CACNA1B: variants seen among roughly 807,000 people sequenced by gnomAD.
The protein encoded by CACNA1B is calcium voltage-gated channel subunit alpha1 B, also known as voltage-dependent N-type calcium channel subunit alpha-1B.
In CACNA1B, 70 loss-of-function variants were observed where a neutral mutation model predicts 247.2. The ratio of observed to expected loss-of-function variants is 0.28; its 90% CI spans 0.23 to 0.35. CACNA1B has a LOEUF of 0.35. CACNA1B is among the 10% of genes least tolerant of loss of function. CACNA1B has a pLI of 1.00. For synonymous variants in CACNA1B, 1,231 were observed against 1,294.4 expected (o/e 0.95, Z 1.05); for missense variants, 2,367 against 3,197.4 (o/e 0.74, Z 6.26).
In CACNA1B at chr9:138,120,371, C is replaced by T. The variant is rs199525864; in HGVS notation, c.6237C>T (p.Gly2079=). Reference sequence around the variant, plus strand: ...CCAGCCTGTCTGCCGATATGGATGGCGGTGCGTGCGGAGGGGCCCGGGGAG... The same window carrying T: ...CCAGCCTGTCTGCCGATATGGATGGTGGTGCGTGCGGAGGGGCCCGGGGAG... ...KGPSLSADMD[G]APSSAVGPGL... The change falls in exon 45 of 47, where the codon GGC becomes GGT. Residue 2079 remains glycine (G), a splice_region_variant and synonymous_variant. Coordinates refer to ENST00000371372, the MANE Select transcript of CACNA1B (RefSeq NM_000718.4). The T allele has an allele frequency of 2.4e-4, 371 of 1,548,040 alleles. No homozygotes were observed. Among genetic ancestry groups the T allele is most frequent in the Non-Finnish European group, 2.7e-4 (317 of 1,153,372 alleles).
rs200515901 is a variant in CACNA1B, at chr9:138,122,087, C to G, written c.*88C>G. ...TCATCCACACGGGGCAGCCGGCCCT[C>G]GGGGGAGGCCTTGCCCACCTTGGTG... is the stretch of plus-strand genomic sequence containing the variant. On this transcript the variant is annotated 3_prime_UTR_variant, in exon 47 of 47. Coordinates refer to ENST00000371372, the MANE Select transcript of CACNA1B (RefSeq NM_000718.4). 2.6e-3 allele frequency: 3,215 copies of G among 1,256,136 alleles called. 7 individuals carry two copies. The highest frequency in any genetic ancestry group is 5.8e-3 in the Middle Eastern group (22 of 3,806). 77.8% of individuals were successfully genotyped at this position (1,256,136 alleles called of 1,614,324 possible).
intron 10 of CACNA1B, among the ~76,000 whole-genome samples, chr9:137,969,935 A>G (rs546020750): frequency 6.6e-6 from 1 of 152,304 alleles, no homozygotes; most frequent in African/African-American, 2.4e-5. Flanking sequence ...GGCTGGCCAC[A>G]TGCCACTGAG....
At chr9:138,120,039 A>T in intron 44 of CACNA1B, 126 bp from the exon 45 acceptor site, 1 of 801,968 alleles carries the variant, frequency 1.2e-6, no homozygotes, top group Non-Finnish European at 2.0e-6. Context: ...GGTCCTTCTG[A>T]CTGTGAGACC....
rs1958361271 is a variant in CACNA1B at position 137,986,334 on chromosome 9, C to G, written c.1770-79C>G. 4 of 1,505,722 alleles carry G rather than the reference C, an allele frequency of 2.7e-6. No homozygotes were observed. Among genetic ancestry groups the G allele is most frequent in the Non-Finnish European group, 3.6e-6 (4 of 1,099,522 alleles). The allele number at this position is 1,505,722 out of a possible 1,614,324, so 93.3% of individuals were successfully genotyped here. Reference sequence around the variant, plus strand: ...CTCAGGGTTTAGAAAGTCAGTGGAGCCTTAAGTGTGGCTGCAGAGAGCCAT... The same window carrying G: ...CTCAGGGTTTAGAAAGTCAGTGGAGGCTTAAGTGTGGCTGCAGAGAGCCAT... On this transcript the variant is annotated intron_variant, in intron 13 of 46. Coordinates refer to ENST00000371372, the MANE Select transcript of CACNA1B (RefSeq NM_000718.4). The surrounding 1 kb of genome is among the most constrained non-coding windows in gnomAD (Gnocchi z 6.0).
chr9:138,057,952 G>A lies in CACNA1B; in HGVS notation c.4106+83G>A. 6.4e-7 allele frequency: 1 copy of A among 1,572,306 alleles called. No individual in the cohort carries two copies. The highest frequency in any genetic ancestry group is 2.3e-5 in the East Asian group (1 of 44,184). ...CTTCCTCCCTCTATCCCTGGGCTCAGGCATGGAAGCAGACCCACCCTTGTG... is the reference window on the plus strand; with the variant it reads ...CTTCCTCCCTCTATCCCTGGGCTCAAGCATGGAAGCAGACCCACCCTTGTG... On this transcript the variant is annotated intron_variant, in intron 27 of 46. Coordinates refer to ENST00000371372, the MANE Select transcript of CACNA1B (RefSeq NM_000718.4). This position sits in a 1 kb window ranked among gnomAD's most constrained non-coding sequence, Gnocchi z 4.0.
chr9:137,900,214 C>G (rs1317558714), intron 3 of CACNA1B, among the ~76,000 whole-genome samples: 2 of 152,062 alleles, frequency 1.3e-5, no homozygotes, highest in African/African-American at 4.8e-5. Flanking sequence ...GTGTGAGGTG[C>G]CCCCCTGGTC....
At chr9:138,045,987 C>T (rs985911604) in intron 21 of CACNA1B, among the ~76,000 whole-genome samples, 2 of 152,142 alleles carry the variant, frequency 1.3e-5, no homozygotes, top group Admixed American at 1.3e-4. Context: ...GCACAGCCCT[C>T]GTGATGGGGG....
At chr9:138,008,879 G>A (rs747579556) in intron 16 of CACNA1B, among the ~76,000 whole-genome samples, 17 of 152,244 alleles carry the variant, frequency 1.1e-4, no homozygotes, top group South Asian at 4.1e-4. Context: ...GCTGCCTGCC[G>A]TCCCATAGAG....
At chr9:138,108,948 G>A (rs186420214) in intron 39 of CACNA1B, among the ~76,000 whole-genome samples, 138 of 152,272 alleles carry the variant, frequency 9.1e-4, no homozygotes, top group African/African-American at 2.8e-3. Context: ...CACTGCACCC[G>A]GCCAAACTGA....
chr9:137,995,165 G>A (rs185048121), intron 15 of CACNA1B, among the ~76,000 whole-genome samples: 8 of 148,118 alleles, frequency 5.4e-5, no homozygotes, highest in African/African-American at 1.3e-4. Context: ...CCAAGATCGC[G>A]CCATCCATTG....
chr9:138,000,154 A>G (rs1299121623), intron 15 of CACNA1B, among the ~76,000 whole-genome samples: 6 of 148,870 alleles, frequency 4.0e-5, no homozygotes, highest in Non-Finnish European at 8.9e-5. Context: ...GCTGGAGTGC[A>G]GTGGTGCGAT....
rs118081174 is a variant in CACNA1B at position 137,954,688 on chromosome 9, C to T, written c.1071-1010C>T. On this transcript the variant is annotated intron_variant, in intron 7 of 46. Coordinates refer to ENST00000371372, the MANE Select transcript of CACNA1B (RefSeq NM_000718.4). The surrounding 1 kb of genome is among the most constrained non-coding windows in gnomAD (Gnocchi z 4.1). ...TGGGATGCCCAGATGGGAGGGTGCA[C>T]CTGGGCAGGCCTGGTCACCTTGCAC... Among the ~76,000 whole-genome samples, 4,110 of 152,098 alleles carry T rather than the reference C, an allele frequency of 0.027. 76 individuals are homozygous for T. Among genetic ancestry groups the T allele is most frequent in the South Asian group, 0.071 (340 of 4,802 alleles).
rs902786073 is a variant in CACNA1B at position 137,957,087 on chromosome 9, A to G, written c.1243+260A>G. ...GCTCCCAGAGACCATGGGAGGGCTC[A>G]TGGCACAACCTGGGGCCATGAGAGG... On this transcript the variant is annotated intron_variant, in intron 9 of 46. Coordinates refer to ENST00000371372, the MANE Select transcript of CACNA1B (RefSeq NM_000718.4). This position sits in a 1 kb window ranked among gnomAD's most constrained non-coding sequence, Gnocchi z 4.7. Among the ~76,000 whole-genome samples the G allele has an allele frequency of 1.3e-5, 2 of 152,132 alleles. No individual in the cohort carries two copies. The highest frequency in any genetic ancestry group is 2.9e-5 in the Non-Finnish European group (2 of 67,994).
At chr9:138,114,533 CCGAGGCTCTGGCAT>C in intron 41 of CACNA1B, 43 bp downstream of exon 41, 1 of 1,006,906 alleles carries the variant, frequency 9.9e-7, no homozygotes, top group Non-Finnish European at 1.5e-6. Flanking sequence ...TGTGATGCCT[CCGAGGCTCTGGCAT>C]CCTTCGGGGG....
intron 32 of CACNA1B, among the ~76,000 whole-genome samples, chr9:138,071,351 A>G (rs1652870587): frequency 6.6e-6 from 1 of 152,200 alleles, no homozygotes; most frequent in Non-Finnish European, 1.5e-5. Context: ...CCATGGACTC[A>G]GTGAGGTTGG....
chr9:137,968,634 T>C (rs1958109809), intron 10 of CACNA1B, among the ~76,000 whole-genome samples: 3 of 152,328 alleles, frequency 2.0e-5, no homozygotes, highest in Admixed American at 2.0e-4. Flanking sequence ...TCTAGAAGGG[T>C]TATTGAGAAC....
At chr9:137,964,239 C>A (rs909444409) in intron 10 of CACNA1B, among the ~76,000 whole-genome samples, 1 of 152,196 alleles carries the variant, frequency 6.6e-6, no homozygotes, top group Non-Finnish European at 1.5e-5. Flanking sequence ...GTTGGCCAGT[C>A]TTGCTAGGTT....
intron 37 of CACNA1B, among the ~76,000 whole-genome samples, chr9:138,099,145 G>A (rs1961158021): frequency 6.6e-6 from 1 of 152,256 alleles, no homozygotes; most frequent in South Asian, 2.1e-4. Flanking sequence ...AACAGGACAT[G>A]TGTGCATGTA....
At chr9:138,064,095 C>CT (rs1393589562) in intron 31 of CACNA1B, among the ~76,000 whole-genome samples, 1 of 152,196 alleles carries the variant, frequency 6.6e-6, no homozygotes, top group Non-Finnish European at 1.5e-5. Context: ...TGCGCACACT[C>CT]TGAGATGGAG....
Sources: allele counts gnomAD v4.1 joint callset (sites outside exome capture counted in the v4.1 genomes callset), GRCh38; gene constraint gnomAD v4.1.1; non-coding constraint Gnocchi (gnomAD v3.1); transcripts MANE v1.5; gene names NCBI Gene and HGNC (gene_info 2026-07-23, HGNC 2026-07-21).